Variants in HERC1 observed in about 807,000 individuals in gnomAD.
HERC1 encodes the protein probable E3 ubiquitin-protein ligase HERC1.
A neutral mutation model predicts 554.3 loss-of-function variants in HERC1; 160 were observed. The observed-to-expected ratio is 0.29, with a 90% CI of 0.25 to 0.33. The LOEUF (loss-of-function observed/expected upper bound fraction) is 0.33. HERC1 is among the 10% of genes least tolerant of loss of function. The pLI is 1.00. For missense variants in HERC1, 4,919 were observed against 5,918.5 expected (o/e 0.83, Z 5.54); for synonymous variants, 2,175 against 2,131.7 (o/e 1.02, Z -0.56).
intron 1 of HERC1, among the ~76,000 whole-genome samples, chr15:63,779,136 T>C (rs1333392882): frequency 1.3e-5 from 2 of 151,840 alleles, no homozygotes; most frequent in African/African-American, 2.4e-5. Flanking sequence ...GAAAAAAGAA[T>C]AATATTCATA....
At position 63,698,849 on chromosome 15, in the gene HERC1, A is replaced by G. The variant is rs1354150979; in HGVS notation, c.4784T>C (p.Val1595Ala). ...SLGVHTLIENVVSFVSGDVGN... is the reference protein window; with the variant it reads ...SLGVHTLIENAVSFVSGDVGN... ...CACATCTCCACTCACAAAGCTTACAACATTTTCAATCAAAGTGTGAACTCC... is the reference window on the plus strand; with the variant it reads ...CACATCTCCACTCACAAAGCTTACAGCATTTTCAATCAAAGTGTGAACTCC... Residue 1595 changes from valine to alanine, a missense_variant, in exon 26 of 78, where the codon GTT becomes GCT. Coordinates refer to ENST00000443617, the MANE Select transcript of HERC1 (RefSeq NM_003922.4). The G allele has an allele frequency of 1.2e-6, 2 of 1,613,976 alleles. No homozygotes were observed. The highest frequency in any genetic ancestry group is 3.3e-5 in the Admixed American group (2 of 60,020).
At chr15:63,661,623 C>G in intron 45 of HERC1, 130 bp downstream of exon 45, 3 of 952,512 alleles carry the variant, frequency 3.1e-6, no homozygotes, top group Non-Finnish European at 4.7e-6. Flanking sequence ...CCCTTCTGCC[C>G]AAAGTGTAAG....
chr15:63,799,239 GT>G (rs2076904027), intron 1 of HERC1, among the ~76,000 whole-genome samples: 1 of 152,260 alleles, frequency 6.6e-6, no homozygotes, highest in East Asian at 1.9e-4. Flanking sequence ...AGTGGCTCAC[GT>G]CTGTAATCAC....
chr15:63,619,678 G>A (rs906282588), intron 74 of HERC1, among the ~76,000 whole-genome samples: 5 of 152,036 alleles, frequency 3.3e-5, no homozygotes, highest in African/African-American at 4.8e-5. Flanking sequence ...TTCAGAGCCT[G>A]TTTGGTCTAT....
At chr15:63,654,846 G>C (rs2069928106) in intron 50 of HERC1, among the ~76,000 whole-genome samples, 1 of 151,284 alleles carries the variant, frequency 6.6e-6, no homozygotes, top group South Asian at 2.1e-4. Context: ...TCCAGCCTGG[G>C]TGACACAGCA....
chr15:63,693,992 A>G lies in HERC1; in HGVS notation c.5646T>C (p.Ser1882=), dbSNP rs2072266711. ...GEEEEKKVDS[S]GETEKKDFRA... is the part of the protein sequence containing the mutation. ...TGAAATCTTTCTTCTCAGTTTCTCC[A>G]CTGGAGTCAACTTTTTTTTCTTCTT... Residue 1882 remains serine (S), a synonymous_variant, in exon 30 of 78, where the codon AGT becomes AGC. Coordinates refer to ENST00000443617, the MANE Select transcript of HERC1 (RefSeq NM_003922.4). 2 of 1,555,992 alleles carry G rather than the reference A, an allele frequency of 1.3e-6. No homozygotes were observed. The highest frequency in any genetic ancestry group is 1.7e-6 in the Non-Finnish European group (2 of 1,149,032).
chr15:63,706,695 CTTAAT>C (rs1567035402), intron 25 of HERC1, 80 bp downstream of exon 25: 2 of 746,686 alleles, frequency 2.7e-6, no homozygotes, highest in Non-Finnish European at 4.2e-6. Flanking sequence ...AAAACAGCTT[CTTAAT>C]TTATTTACTA....
chr15:63,744,554 AC>A (rs1295924106), intron 12 of HERC1, among the ~76,000 whole-genome samples: 1 of 152,066 alleles, frequency 6.6e-6, no homozygotes, highest in Non-Finnish European at 1.5e-5. Flanking sequence ...TGGCACTCAA[AC>A]CACAAGACAC....
chr15:63,812,502 T>C (rs2077362747), intron 1 of HERC1, among the ~76,000 whole-genome samples: 1 of 152,144 alleles, frequency 6.6e-6, no homozygotes, highest in Non-Finnish European at 1.5e-5. Context: ...ACTATAAAGA[T>C]CTGATTCAAA....
At chr15:63,779,644 A>G (rs1386396283) in intron 1 of HERC1, 1 of 152,222 alleles carries the variant, frequency 6.6e-6, no homozygotes, top group Admixed American at 6.5e-5. Flanking sequence ...TATTCTTACA[A>G]CAGTGACTTG....
intron 70 of HERC1, among the ~76,000 whole-genome samples, chr15:63,627,255 C>A (rs1324058324): frequency 6.6e-6 from 1 of 152,154 alleles, no homozygotes; most frequent in Non-Finnish European, 1.5e-5. Context: ...TTAGGACCCC[C>A]CCTAAGAAAT....
chr15:63,725,074 C>A (rs1243798321), intron 18 of HERC1, among the ~76,000 whole-genome samples: 1 of 152,050 alleles, frequency 6.6e-6, no homozygotes, highest in Non-Finnish European at 1.5e-5. Flanking sequence ...TAGGACCAGA[C>A]CTACAATTTC....
intron 57 of HERC1, 117 bp from the exon 58 acceptor site, chr15:63,643,667 T>G (rs2069179140): frequency 1.5e-6 from 1 of 668,070 alleles, no homozygotes; most frequent in Non-Finnish European, 2.4e-6. Context: ...GGGGGAGAGA[T>G]AATTTCTCTC....
chr15:63,669,065 A>G (rs987869564), intron 40 of HERC1, among the ~76,000 whole-genome samples: 3 of 152,242 alleles, frequency 2.0e-5, no homozygotes, highest in Non-Finnish European at 2.9e-5. Flanking sequence ...ATTATACAAG[A>G]TATGTTCTCT....
chr15:63,748,348 T>C (rs1438392040), intron 10 of HERC1, among the ~76,000 whole-genome samples: 2 of 152,086 alleles, frequency 1.3e-5, no homozygotes, highest in East Asian at 3.8e-4. Flanking sequence ...AACCAAGAAT[T>C]TGCCATCTTT....
intron 14 of HERC1, among the ~76,000 whole-genome samples, chr15:63,730,158 T>TA (rs35881317): frequency 0.29 from 41,053 of 142,320 alleles, 6,180 homozygotes; most frequent in Middle Eastern, 0.41. Context: ...TTTTTTCCAT[T>TA]AAAAAAAAAA....
At chr15:63,652,029 C>T (rs753882489) in intron 52 of HERC1, among the ~76,000 whole-genome samples, 1 of 151,958 alleles carries the variant, frequency 6.6e-6, no homozygotes, top group Non-Finnish European at 1.5e-5. Flanking sequence ...GAGCGAGACT[C>T]AGTCTCAAAA....
Position 63,680,417 on chromosome 15 carries a change from A to G in HERC1, c.6465+120T>C. The G allele has an allele frequency of 9.2e-7, 1 of 1,092,754 alleles. No individual in the cohort carries two copies. The highest frequency in any genetic ancestry group is 1.3e-6 in the Non-Finnish European group (1 of 781,226). 67.7% of individuals were successfully genotyped at this position (1,092,754 alleles called of 1,614,324 possible). Reference sequence around the variant, plus strand: ...ATAAATGTTTTAAGAACCAGAAAGTATTAGAGAGAAAGGAGAGACGAGCAG... The same window carrying G: ...ATAAATGTTTTAAGAACCAGAAAGTGTTAGAGAGAAAGGAGAGACGAGCAG... On this transcript the variant is annotated intron_variant, in intron 35 of 77. Coordinates refer to ENST00000443617, the MANE Select transcript of HERC1 (RefSeq NM_003922.4). This position sits in a 1 kb window ranked among gnomAD's most constrained non-coding sequence, Gnocchi z 5.8.
Position 63,672,609 on chromosome 15 carries a change from G to A in HERC1, c.7932C>T (p.Thr2644=). The A allele has an allele frequency of 6.2e-7, 1 of 1,612,768 alleles. No homozygotes were observed. The highest frequency in any genetic ancestry group is 8.5e-7 in the Non-Finnish European group (1 of 1,179,388). The part of the protein sequence containing the change: ...VTTSPSASST[T]SFMSSSLEDT... ...CCTCCAGAGAGCTGCTCATAAAGGAGGTCGTGCTTGAGGCTGATGGGCTAG... is the reference window on the plus strand; with the variant it reads ...CCTCCAGAGAGCTGCTCATAAAGGAAGTCGTGCTTGAGGCTGATGGGCTAG... Residue 2644 remains threonine, a synonymous_variant, in exon 39 of 78, where the codon ACC becomes ACT. Transcript: ENST00000443617.
Sources: gnomAD v4.1 joint callset for allele counts (sites outside exome capture counted in the v4.1 genomes callset) on GRCh38, gnomAD v4.1.1 for gene constraint, Gnocchi (gnomAD v3.1) non-coding constraint, MANE v1.5 for transcripts, NCBI Gene and HGNC (gene_info 2026-07-23, HGNC 2026-07-21) for gene names.